Variants in NYAP2 observed in about 807,000 individuals in gnomAD.
The protein encoded by NYAP2 is neuronal tyrosine-phosphorylated phosphoinositide-3-kinase adapter 2.
Under a neutral mutation model 50.4 loss-of-function variants are expected in NYAP2, and 23 were observed. That is an observed-to-expected ratio of 0.46 (90% CI 0.33 to 0.65). The LOEUF is 0.65. Among genes scored for constraint, NYAP2 ranks in the 30% least tolerant of loss-of-function variants. The pLI, the probability that NYAP2 is intolerant of heterozygous loss-of-function variation, is 0.02. For synonymous variants in NYAP2, 394 were observed against 365.2 expected, an observed-to-expected ratio of 1.08 and a Z score of -0.90; for missense variants, 885 against 861.0, an observed-to-expected ratio of 1.03 and a Z score of -0.35.
chr2:225,660,472 AT>A, the NYAP2 span, among the ~76,000 whole-genome samples: 1 of 140,654 alleles, frequency 7.1e-6, no homozygotes, highest in Non-Finnish European at 1.5e-5. Flanking sequence ...CAACCTCAGC[AT>A]TTACTTAAAG....
At chr2:225,545,051 T>C (rs563970628) in intron 4 of NYAP2, among the ~76,000 whole-genome samples, 1 of 152,352 alleles carries the variant, frequency 6.6e-6, no homozygotes, top group Admixed American at 6.5e-5. Context: ...AAACATCTGC[T>C]GCCAGACTTA....
rs376676579 is a variant in NYAP2, at chr2:225,483,792, G to T, written c.222-29579G>T. 2.6e-4 allele frequency among the ~76,000 whole-genome samples: 39 copies of T among 152,254 alleles called. No homozygotes were observed. In the East Asian group the frequency reaches 7.5e-3, roughly 29 times the overall value. ...TGCTAAATGAGAAAAAAATGTTATA[G>T]CCCTTTCCATATTTCAGGCACGGAA... On this transcript the variant is annotated intron_variant, in intron 3 of 6. Transcript: ENST00000636099.
At chr2:225,610,442 A>G (rs1187192099) in intron 5 of NYAP2, among the ~76,000 whole-genome samples, 2 of 152,160 alleles carry the variant, frequency 1.3e-5, no homozygotes, top group Non-Finnish European at 2.9e-5. Flanking sequence ...TAAAGGGCCT[A>G]TGTCCAAATA....
intron 3 of NYAP2, among the ~76,000 whole-genome samples, chr2:225,410,652 T>C (rs1160653129): frequency 1.3e-5 from 2 of 152,126 alleles, no homozygotes; most frequent in African/African-American, 2.4e-5. Context: ...TTCTGGATCA[T>C]TCCATTAGCT....
At chr2:225,540,825 A>G (rs1691453150) in intron 4 of NYAP2, among the ~76,000 whole-genome samples, 1 of 152,172 alleles carries the variant, frequency 6.6e-6, no homozygotes, top group Non-Finnish European at 1.5e-5. Flanking sequence ...ATTGGAACAT[A>G]TAGTACCTCT....
At chr2:225,686,860 G>A in the NYAP2 span, among the ~76,000 whole-genome samples, 1 of 152,082 alleles carries the variant, frequency 6.6e-6, no homozygotes, top group East Asian at 1.9e-4. Flanking sequence ...TGACAACAAT[G>A]ACAAATAGAA....
chr2:225,651,801 T>C, exon 7 of NYAP2: 1 of 499,342 alleles, frequency 2.0e-6, no homozygotes, highest in Non-Finnish European at 3.5e-6. Context: ...TCCATCATTC[T>C]GTAATATAAA....
At chr2:225,413,372 T>C (rs114708491) in intron 3 of NYAP2, among the ~76,000 whole-genome samples, 32 of 152,302 alleles carry the variant, frequency 2.1e-4, no homozygotes, top group African/African-American at 7.7e-4. Flanking sequence ...CTCCTTATGA[T>C]AGACTGGCGT....
chr2:225,564,965 A>G (rs1691937973), intron 4 of NYAP2, among the ~76,000 whole-genome samples: 1 of 151,998 alleles, frequency 6.6e-6, no homozygotes, highest in Non-Finnish European at 1.5e-5. Context: ...CCCCATCTCT[A>G]CTAAAAATAC....
At chr2:225,412,703 A>T (rs930008811) in intron 3 of NYAP2, among the ~76,000 whole-genome samples, 1 of 152,168 alleles carries the variant, frequency 6.6e-6, no homozygotes, top group African/African-American at 2.4e-5. Context: ...TGTTTCTCCA[A>T]AAGTTTCTGT....
intron 5 of NYAP2, among the ~76,000 whole-genome samples, chr2:225,597,514 T>TATATATATATATATATAC (rs1559225758): frequency 1.0e-5 from 1 of 98,080 alleles, no homozygotes; most frequent in African/African-American, 3.3e-5. Flanking sequence ...CAAGGAGAAA[T>TATATATATATATATATAC]ATATATATAT....
chr2:225,404,782 T>C (rs1049496121), intron 2 of NYAP2, among the ~76,000 whole-genome samples: 1 of 152,024 alleles, frequency 6.6e-6, no homozygotes, highest in Admixed American at 6.6e-5. Flanking sequence ...ATGGTGATGA[T>C]TCTAGATACA....
chr2:225,702,107 CAGT>C, the NYAP2 span: 1 of 151,542 alleles, frequency 6.6e-6, no homozygotes, highest in East Asian at 1.9e-4. Context: ...ACGATTTAAG[CAGT>C]AAGTTATCCG....
At chr2:225,484,438 T>C (rs944050312) in intron 3 of NYAP2, among the ~76,000 whole-genome samples, 4 of 152,354 alleles carry the variant, frequency 2.6e-5, no homozygotes, top group Admixed American at 2.0e-4. Context: ...ACATAGTTTA[T>C]CATTTTATCA....
At chr2:225,496,903 T>A (rs1690516597) in intron 3 of NYAP2, among the ~76,000 whole-genome samples, 1 of 152,164 alleles carries the variant, frequency 6.6e-6, no homozygotes, top group Non-Finnish European at 1.5e-5. Flanking sequence ...ACTGCCTCCA[T>A]TGTAATGGAG....
chr2:225,670,129 A>G, the NYAP2 span, among the ~76,000 whole-genome samples: 93,641 of 152,042 alleles, frequency 0.62, 30,090 homozygotes, highest in South Asian at 0.82. Flanking sequence ...CTCTGACCAA[A>G]TCCATTTTGT....
At chr2:225,658,402 T>A (rs1693861378), downstream of NYAP2, among the ~76,000 whole-genome samples, 1 of 152,206 alleles carries the variant, frequency 6.6e-6, no homozygotes, top group Non-Finnish European at 1.5e-5. Context: ...TAAAGTGCTA[T>A]GTTAACAAAG....
At chr2:225,690,043 A>G in the NYAP2 span, among the ~76,000 whole-genome samples, 2 of 152,108 alleles carry the variant, frequency 1.3e-5, no homozygotes, top group Non-Finnish European at 2.9e-5. Context: ...TTCGGCCTTC[A>G]TAAAAAGGAA....
intron 5 of NYAP2, among the ~76,000 whole-genome samples, chr2:225,596,546 G>A (rs1692602579): frequency 6.6e-6 from 1 of 152,108 alleles, no homozygotes; most frequent in Non-Finnish European, 1.5e-5. Flanking sequence ...AAATTTCCAT[G>A]GTCCCTGTGA....
Sources: allele counts gnomAD v4.1 joint callset (sites outside exome capture counted in the v4.1 genomes callset), GRCh38; gene constraint gnomAD v4.1.1; transcripts MANE v1.5; gene names NCBI Gene and HGNC (gene_info 2026-07-23, HGNC 2026-07-21).